The following LRRTM4 variants were observed in gnomAD, a reference collection of about 807,000 sequenced individuals.
LRRTM4 encodes leucine rich repeat transmembrane neuronal 4.
In LRRTM4, 25 loss-of-function variants were observed where a neutral mutation model predicts 47.6. The ratio of observed to expected loss-of-function variants is 0.53; its 90% CI spans 0.38 to 0.73. The LOEUF (loss-of-function observed/expected upper bound fraction) is 0.73. LRRTM4 is among the 30% of genes least tolerant of loss of function. LRRTM4 has a pLI of 0.00. For missense variants in LRRTM4, 638 were observed against 713.4 expected, an observed-to-expected ratio of 0.89 and a Z score of 1.20; for synonymous variants, 311 against 269.5, an observed-to-expected ratio of 1.15 and a Z score of -1.51.
intron 3 of LRRTM4, among the ~76,000 whole-genome samples, chr2:76,763,862 C>T (rs7601238): frequency 0.058 from 8,748 of 151,998 alleles, 300 homozygotes; most frequent in Non-Finnish European, 0.073. Context: ...TTAGAAACAC[C>T]CCTTGCCTCT....
At chr2:77,435,435 A>G in intron 3 of LRRTM4, among the ~76,000 whole-genome samples, 1 of 152,188 alleles carries the variant, frequency 6.6e-6, no homozygotes, top group Non-Finnish European at 1.5e-5. Context: ...AAACATTCTT[A>G]GGTCAATTAT....
chr2:76,817,496 T>C (rs1670935172), intron 3 of LRRTM4, among the ~76,000 whole-genome samples: 1 of 151,952 alleles, frequency 6.6e-6, no homozygotes, highest in Non-Finnish European at 1.5e-5. Context: ...CACTTAGTCC[T>C]CACAAAAATA....
chr2:76,768,844 CTGAA>C (rs1158183190), intron 3 of LRRTM4, among the ~76,000 whole-genome samples: 1 of 152,106 alleles, frequency 6.6e-6, no homozygotes, highest in Non-Finnish European at 1.5e-5. Flanking sequence ...GTAAATATTT[CTGAA>C]TGATTTGGAG....
chr2:76,994,290 TATAAAA>T (rs774216860), intron 3 of LRRTM4, among the ~76,000 whole-genome samples: 69 of 151,836 alleles, frequency 4.5e-4, no homozygotes, highest in East Asian at 9.7e-4. Flanking sequence ...TTTTAAAAAT[TATAAAA>T]ATAAACAATT....
At chr2:76,994,371 C>A (rs537582113) in intron 3 of LRRTM4, among the ~76,000 whole-genome samples, 1 of 151,916 alleles carries the variant, frequency 6.6e-6, no homozygotes, top group East Asian at 1.9e-4. Context: ...TGTTTCTATC[C>A]TGCAACATAT....
At chr2:77,001,816 CAA>C (rs1330334927) in intron 3 of LRRTM4, among the ~76,000 whole-genome samples, 1 of 152,112 alleles carries the variant, frequency 6.6e-6, no homozygotes. Context: ...ACACTGTTGA[CAA>C]AAGTCTTATT....
chr2:76,963,111 T>A, intron 3 of LRRTM4, among the ~76,000 whole-genome samples: 1 of 151,026 alleles, frequency 6.6e-6, no homozygotes, highest in Non-Finnish European at 1.5e-5. Context: ...ATTTAATTGA[T>A]CAATAAATGA....
At chr2:76,985,472 A>G (rs1320080359) in intron 3 of LRRTM4, among the ~76,000 whole-genome samples, 2 of 152,004 alleles carry the variant, frequency 1.3e-5, no homozygotes, top group African/African-American at 4.8e-5. Context: ...TGTCCCTTCC[A>G]GAGACCTTGA....
intron 3 of LRRTM4, among the ~76,000 whole-genome samples, chr2:77,437,056 G>A (rs1409593649): frequency 6.6e-6 from 1 of 152,004 alleles, no homozygotes; most frequent in East Asian, 1.9e-4. Context: ...TGTTTTGACA[G>A]TGATCTGATT....
At chr2:77,126,189 C>T (rs1671648677) in intron 3 of LRRTM4, among the ~76,000 whole-genome samples, 1 of 151,776 alleles carries the variant, frequency 6.6e-6, no homozygotes, top group Non-Finnish European at 1.5e-5. Context: ...TGTTGTAAAA[C>T]TAACTTGCCT....
At chr2:77,404,620 A>G (rs748138913) in intron 3 of LRRTM4, among the ~76,000 whole-genome samples, 4 of 152,112 alleles carry the variant, frequency 2.6e-5, no homozygotes, top group Non-Finnish European at 5.9e-5. Context: ...GTGGCTTAAC[A>G]TATACATCAT....
chr2:77,093,723 C>G (rs777707606), intron 3 of LRRTM4, among the ~76,000 whole-genome samples: 5 of 151,596 alleles, frequency 3.3e-5, no homozygotes, highest in Admixed American at 6.6e-5. Context: ...TGCACATATA[C>G]GCCCAGATGG....
intron 3 of LRRTM4, among the ~76,000 whole-genome samples, chr2:77,515,853 A>T (rs1172338044): frequency 2.6e-5 from 4 of 151,910 alleles, no homozygotes; most frequent in African/African-American, 9.7e-5. Context: ...AGTAAGAAGT[A>T]ATTAGGGTTT....
chr2:77,486,974 C>T (rs1180906508), intron 3 of LRRTM4, among the ~76,000 whole-genome samples: 3 of 152,238 alleles, frequency 2.0e-5, no homozygotes, highest in African/African-American at 7.2e-5. Flanking sequence ...TACTTGTGCA[C>T]ATAATTTAAA....
chr2:77,050,095 C>G lies in LRRTM4; in HGVS notation c.1552-301179G>C, dbSNP rs952535481. Among the ~76,000 whole-genome samples the G allele has an allele frequency of 6.5e-4, 94 of 145,242 alleles. 1 individual carries two copies. Among genetic ancestry groups the G allele is most frequent in the African/African-American group, 2.4e-3 (91 of 38,548 alleles). The stretch of plus-strand genomic sequence containing the variant: ...GTCAGAAAGAGTACCCAATAGGCTT[C>G]TAGTCTGCAGATGTGTTTTGTTAGA... On this transcript the variant is annotated intron_variant, in intron 3 of 3. Transcript: ENST00000409884.
At chr2:77,084,444 G>C (rs1226399768) in intron 3 of LRRTM4, among the ~76,000 whole-genome samples, 1 of 152,140 alleles carries the variant, frequency 6.6e-6, no homozygotes, top group Non-Finnish European at 1.5e-5. Flanking sequence ...CTCTTGTTTA[G>C]CTATGTTTAC....
intron 3 of LRRTM4, among the ~76,000 whole-genome samples, chr2:77,071,849 G>C (rs1310958252): frequency 6.6e-6 from 1 of 152,148 alleles, no homozygotes; most frequent in South Asian, 2.1e-4. Context: ...CCCAGCATTT[G>C]TGAAGGAAAG....
chr2:77,114,267 C>T (rs996799534), intron 3 of LRRTM4, among the ~76,000 whole-genome samples: 6 of 152,132 alleles, frequency 3.9e-5, no homozygotes, highest in Admixed American at 2.6e-4. Flanking sequence ...AACACTATCC[C>T]ATTGTTCTAC....
At chr2:77,030,842 G>T (rs998198099) in intron 3 of LRRTM4, among the ~76,000 whole-genome samples, 1 of 152,146 alleles carries the variant, frequency 6.6e-6, no homozygotes, top group African/African-American at 2.4e-5. Flanking sequence ...GTATCAACAT[G>T]CATTTCTTTT....
Sources: gnomAD v4.1 joint callset for allele counts (sites outside exome capture counted in the v4.1 genomes callset) on GRCh38, gnomAD v4.1.1 for gene constraint, MANE v1.5 for transcripts, NCBI Gene and HGNC (gene_info 2026-07-23, HGNC 2026-07-21) for gene names.